The following CCDC186 variants were observed in gnomAD, a reference collection of about 807,000 sequenced individuals.
CCDC186 encodes the protein coiled-coil domain-containing protein 186.
CCDC186 carries 49 observed loss-of-function variants against 113.7 expected under a neutral mutation model. The ratio of observed to expected loss-of-function variants is 0.43; its 90% CI spans 0.34 to 0.55. The LOEUF (loss-of-function observed/expected upper bound fraction) is 0.55. CCDC186 is among the 20% of genes least tolerant of loss of function. The pLI is 0.02. For synonymous variants in CCDC186, 355 were observed against 345.8 expected (o/e 1.03, Z -0.30); for missense variants, 890 against 1,011.1 (o/e 0.88, Z 1.62).
At chr10:114,153,734 CA>C (rs1286555464) in intron 3 of CCDC186, among the ~76,000 whole-genome samples, 1 of 141,076 alleles carries the variant, frequency 7.1e-6, no homozygotes, top group Non-Finnish European at 1.5e-5. Flanking sequence ...TGCAGTAAGC[CA>C]AGATCACGCC....
intron 4 of CCDC186, among the ~76,000 whole-genome samples, chr10:114,149,509 G>A (rs931978937): frequency 6.9e-6 from 1 of 145,964 alleles, no homozygotes; most frequent in African/African-American, 2.6e-5. Context: ...ATTAAGCTTC[G>A]AAGAGTTTTA....
intron 2 of CCDC186, among the ~76,000 whole-genome samples, chr10:114,159,163 T>C (rs1034348944): frequency 2.6e-5 from 4 of 152,118 alleles, no homozygotes; most frequent in Non-Finnish European, 5.9e-5. Flanking sequence ...GGCAAATATA[T>C]GCATGTTTAT....
intron 7 of CCDC186, among the ~76,000 whole-genome samples, chr10:114,136,753 A>G (rs1398443650): frequency 1.3e-5 from 2 of 152,202 alleles, no homozygotes; most frequent in Non-Finnish European, 2.9e-5. Context: ...CCTGCATTTC[A>G]TTTAACTGCC....
At chr10:114,144,920 T>C (rs1281315332) in intron 5 of CCDC186, among the ~76,000 whole-genome samples, 1 of 152,098 alleles carries the variant, frequency 6.6e-6, no homozygotes, top group African/African-American at 2.4e-5. Context: ...TAAATTGGTT[T>C]TGTCAGAATT....
intron 11 of CCDC186, 50 bp from the exon 12 acceptor site, chr10:114,131,386 A>G (rs762724481): frequency 1.4e-6 from 2 of 1,426,090 alleles, no homozygotes; most frequent in Non-Finnish European, 9.4e-7. Context: ...GTTTGTTTCC[A>G]TTAATGCTCA....
rs193077336 is a variant in CCDC186, at chr10:114,147,380, G to A, written c.889-1619C>T. On this transcript the variant is annotated intron_variant, in intron 4 of 15. Coordinates refer to ENST00000369287, the MANE Select transcript of CCDC186 (RefSeq NM_018017.4). Reference sequence around the variant, plus strand: ...ATCCCCTGGGAGGAGTTGGCAGGAAGGGTAAAAGATGCTATACTTGAGCTA... The same window carrying A: ...ATCCCCTGGGAGGAGTTGGCAGGAAAGGTAAAAGATGCTATACTTGAGCTA... 1.9e-4 allele frequency among the ~76,000 whole-genome samples: 29 copies of A among 152,190 alleles called. No homozygotes were observed. In the East Asian group the frequency reaches 5.6e-3, roughly 29 times the overall value.
chr10:114,174,176 C>T lies in CCDC186; in HGVS notation c.-223G>A, dbSNP rs1319562257. ...CACTCAGCGGCCGTTTCCCCAAACC[C>T]CTGCGGAGCTGACACATCAACAAAG... On this transcript the variant is annotated 5_prime_UTR_variant, in exon 1 of 16. Coordinates refer to ENST00000369287, the MANE Select transcript of CCDC186 (RefSeq NM_018017.4). 1 of 459,366 alleles carries T rather than the reference C, an allele frequency of 2.2e-6. No individual in the cohort carries two copies. The highest frequency in any genetic ancestry group is 2.4e-5 in the Admixed American group (1 of 41,192). 28.5% of individuals were successfully genotyped at this position (459,366 alleles called of 1,614,324 possible). A position where few individuals can be genotyped will look rare whatever the true frequency, so the allele number is the denominator to read the frequency against.
intron 12 of CCDC186, 35 bp downstream of exon 12, chr10:114,131,112 C>A (rs760062676): frequency 1.5e-6 from 2 of 1,360,054 alleles, no homozygotes; most frequent in East Asian, 5.5e-5. Context: ...AAGAAACAAA[C>A]ACATTCATGG....
In CCDC186 at chr10:114,131,365, A is replaced by T. The variant is rs770799214; in HGVS notation, c.1912-29T>A. On this transcript the variant is annotated intron_variant, in intron 11 of 15. Transcript: ENST00000369287. ...AATAGTAAGTAAAACAAAAACCACC[A>T]ATTTTAGTATGTTTGTTTCCATTAA... The T allele has an allele frequency of 2.0e-6, 3 of 1,505,940 alleles. No individual in the cohort carries two copies. In the East Asian group the frequency reaches 7.4e-5, roughly 37 times the overall value. 93.3% of individuals were successfully genotyped at this position (1,505,940 alleles called of 1,614,324 possible). A position where few individuals can be genotyped will look rare whatever the true frequency, so the allele number is the denominator to read the frequency against.
chr10:114,171,812 G>A (rs922437545), intron 1 of CCDC186, among the ~76,000 whole-genome samples: 1 of 152,180 alleles, frequency 6.6e-6, no homozygotes, highest in Non-Finnish European at 1.5e-5. Flanking sequence ...ATAGACAAAT[G>A]TTAATAAGAA....
At chr10:114,133,651 C>T (rs950447893) in intron 10 of CCDC186, among the ~76,000 whole-genome samples, 1 of 152,070 alleles carries the variant, frequency 6.6e-6, no homozygotes, top group Non-Finnish European at 1.5e-5. Flanking sequence ...AGGAACAAGC[C>T]TATCAAGAAA....
chr10:114,144,425 AAAAAAAC>A, intron 6 of CCDC186, 65 bp downstream of exon 6: 1 of 1,536,166 alleles, frequency 6.5e-7, no homozygotes, highest in Non-Finnish European at 8.7e-7. Flanking sequence ...CCGTCTCAAA[AAAAAAAC>A]AAAAACAAAA....
At chr10:114,161,849 G>A (rs1458139747) in intron 2 of CCDC186, 2 of 151,972 alleles carry the variant, frequency 1.3e-5, no homozygotes, top group Non-Finnish European at 2.9e-5. Flanking sequence ...CAATATTATT[G>A]AGCCTTAAAA....
At chr10:114,129,840 T>G (rs1564905057) in intron 13 of CCDC186, 51 bp downstream of exon 13, 1 of 1,562,480 alleles carries the variant, frequency 6.4e-7, no homozygotes, top group East Asian at 2.3e-5. Flanking sequence ...AAAAATGCTA[T>G]TTATTTTTAT....
intron 7 of CCDC186, among the ~76,000 whole-genome samples, chr10:114,136,980 G>A (rs2031283093): frequency 2.0e-5 from 3 of 151,980 alleles, no homozygotes; most frequent in Admixed American, 2.0e-4. Flanking sequence ...AGCCAGGTGT[G>A]GTGGCAGGCA....
rs1359601629 is a variant in CCDC186 at position 114,127,677 on chromosome 10, G to A, written c.2183-6C>T. ...GCTTCGAGCATTCAGGGACCCTGAA[G>A]ACAAAAAAAATTGGTTTAGATACTG... On this transcript the variant is annotated splice_region_variant and splice_polypyrimidine_tract_variant and intron_variant, in intron 13 of 15. Transcript: ENST00000369287. The A allele has an allele frequency of 2.5e-6, 4 of 1,607,374 alleles. No individual in the cohort carries two copies. Among genetic ancestry groups the A allele is most frequent in the Admixed American group, 3.4e-5 (2 of 58,330 alleles).
intron 2 of CCDC186, among the ~76,000 whole-genome samples, chr10:114,161,281 T>C (rs1182879000): frequency 6.6e-6 from 1 of 152,222 alleles, no homozygotes; most frequent in Non-Finnish European, 1.5e-5. Context: ...TTACTTTTTC[T>C]CTCTCTGCGC....
At chr10:114,128,852 C>A (rs758648360) in intron 13 of CCDC186, among the ~76,000 whole-genome samples, 1 of 152,128 alleles carries the variant, frequency 6.6e-6, no homozygotes, top group African/African-American at 2.4e-5. Flanking sequence ...ATGTAAAAAT[C>A]TGATACACAA....
Position 114,125,974 on chromosome 10 carries a change from T to C in CCDC186, c.2525A>G (p.Asn842Ser), listed in dbSNP as rs1202240420. The C allele has an allele frequency of 3.7e-6, 6 of 1,614,012 alleles. No homozygotes were observed. The highest frequency in any genetic ancestry group is 1.1e-5 in the South Asian group (1 of 91,086). ...CAAAGAGAGCTCCAATGTTAATCCATTGTCAGCTGGATGGGATGTATATAA... is the reference window on the plus strand; with the variant it reads ...CAAAGAGAGCTCCAATGTTAATCCACTGTCAGCTGGATGGGATGTATATAA... Reference protein sequence around the residue: ...ASLYTSHPADNGLTLELSLEI... With the variant: ...ASLYTSHPADSGLTLELSLEI... Residue 842 changes from asparagine to serine, a missense_variant, in exon 15 of 16, where the codon AAT (asparagine) becomes AGT (serine). By Grantham distance (46) the Asn-to-Ser change is conservative (BLOSUM62 1). Coordinates refer to ENST00000369287, the MANE Select transcript of CCDC186 (RefSeq NM_018017.4).
Sources: gnomAD v4.1 joint callset for allele counts (sites outside exome capture counted in the v4.1 genomes callset) on GRCh38, gnomAD v4.1.1 for gene constraint, MANE v1.5 for transcripts, NCBI Gene and HGNC (gene_info 2026-07-23, HGNC 2026-07-21) for gene names.